Variants in FBXL7 observed in about 807,000 individuals in gnomAD.
FBXL7 encodes the protein F-box/LRR-repeat protein 7.
Under a neutral mutation model 38.3 loss-of-function variants are expected in FBXL7, and 12 were observed. That is an observed-to-expected ratio of 0.31 (90% CI 0.20 to 0.51). The LOEUF (loss-of-function observed/expected upper bound fraction) is 0.51. Among genes scored for constraint, FBXL7 ranks in the 20% least tolerant of loss-of-function variants. The pLI is 0.98. For synonymous variants in FBXL7, 297 were observed against 300.9 expected (o/e 0.99, Z 0.13); for missense variants, 567 against 676.4 (o/e 0.84, Z 1.79).
chr5:15,818,452 T>A (rs1489681154), intron 2 of FBXL7, among the ~76,000 whole-genome samples: 2 of 143,290 alleles, frequency 1.4e-5, no homozygotes, highest in East Asian at 4.2e-4. Flanking sequence ...GGTAGCCAAA[T>A]GAATCCTTTC....
intron 2 of FBXL7, among the ~76,000 whole-genome samples, chr5:15,662,771 G>A (rs1742131183): frequency 1.3e-5 from 2 of 152,010 alleles, no homozygotes; most frequent in African/African-American, 4.8e-5. Flanking sequence ...TTTCCCTATT[G>A]TTTGTTTTTG....
At chr5:15,792,193 G>A (rs1737294884) in intron 2 of FBXL7, among the ~76,000 whole-genome samples, 2 of 152,184 alleles carry the variant, frequency 1.3e-5, no homozygotes, top group East Asian at 1.9e-4. Flanking sequence ...CAAGCATTGT[G>A]TGTTAAAGCA....
At chr5:15,929,125 G>A (rs923858448) in intron 3 of FBXL7, among the ~76,000 whole-genome samples, 3 of 152,168 alleles carry the variant, frequency 2.0e-5, no homozygotes, top group African/African-American at 7.2e-5. Flanking sequence ...TTCGTACCAC[G>A]GGCCAGACGG....
chr5:15,552,798 T>A (rs1332624052), intron 1 of FBXL7, among the ~76,000 whole-genome samples: 2 of 152,090 alleles, frequency 1.3e-5, no homozygotes. Flanking sequence ...AAACAATCAA[T>A]CCTGGCCAGG....
intron 2 of FBXL7, among the ~76,000 whole-genome samples, chr5:15,845,336 C>G (rs1449228010): frequency 6.6e-6 from 1 of 152,108 alleles, no homozygotes; most frequent in African/African-American, 2.4e-5. Flanking sequence ...CAATAAGTTC[C>G]CATTGATGGG....
At chr5:15,826,619 A>G (rs909551896) in intron 2 of FBXL7, among the ~76,000 whole-genome samples, 44 of 152,028 alleles carry the variant, frequency 2.9e-4, no homozygotes, top group African/African-American at 1.1e-3. Flanking sequence ...GGGTTTCACC[A>G]TGTTGGCCAG....
At chr5:15,510,232 G>A (rs1394557545) in intron 1 of FBXL7, among the ~76,000 whole-genome samples, 1 of 152,198 alleles carries the variant, frequency 6.6e-6, no homozygotes, top group Admixed American at 6.5e-5. Flanking sequence ...TACCCTTTCT[G>A]TGGTAAATTC....
At position 15,601,405 on chromosome 5, in the gene FBXL7, A is replaced by G. The variant is rs983046098; in HGVS notation, c.38-14578A>G. ...GCCCGTGCAGCACTCTGATCTTCTC[A>G]TTACTCTCTTCAGAAACCCAGCTGT... On this transcript the variant is annotated intron_variant, in intron 1 of 3. Coordinates refer to ENST00000504595, the MANE Select transcript of FBXL7 (RefSeq NM_012304.5). Among the ~76,000 whole-genome samples, 4 of 152,112 alleles carry G rather than the reference A, an allele frequency of 2.6e-5. No individual in the cohort carries two copies. The East Asian group carries it at 7.7e-4, about 29-fold the overall frequency.
At chr5:15,764,637 T>TGGGACA (rs1736539848) in intron 2 of FBXL7, among the ~76,000 whole-genome samples, 1 of 152,358 alleles carries the variant, frequency 6.6e-6, no homozygotes, top group Non-Finnish European at 1.5e-5. Context: ...TCCCAGCTTT[T>TGGGACA]TCACTTATTA....
rs1330346621 is a variant in FBXL7, at chr5:15,616,003, T to C, written c.58T>C (p.Ser20Pro). The change falls in exon 2 of 4, where the codon TCA becomes CCA. Residue 20 changes from serine to proline, a missense_variant. Transcript: ENST00000504595. ...TCCAGGCAAAGGCAGCTCGAGCATC[T>C]CATCTGACGTGAGTTCAAGTACAGA... is the stretch of plus-strand genomic sequence containing the variant. ...GSEGKGSSSI[S>P]SDVSSSTDHT... 1 of 1,612,758 alleles carries C rather than the reference T, an allele frequency of 6.2e-7. No individual in the cohort carries two copies. Among genetic ancestry groups the C allele is most frequent in the Non-Finnish European group, 8.5e-7 (1 of 1,179,218 alleles).
At chr5:15,679,558 GTT>G (rs34375125) in intron 2 of FBXL7, among the ~76,000 whole-genome samples, 3,369 of 124,898 alleles carry the variant, frequency 0.027, 37 homozygotes, top group African/African-American at 0.049. Flanking sequence ...ATGCTTCATT[GTT>G]TTTTTTTTTT....
intron 2 of FBXL7, among the ~76,000 whole-genome samples, chr5:15,654,685 C>T (rs142948915): frequency 0.013 from 1,942 of 152,182 alleles, 13 homozygotes; most frequent in Non-Finnish European, 0.021. Flanking sequence ...GAAAAACAGG[C>T]GCCTAGTTTG....
At chr5:15,569,846 A>G (rs962355059) in intron 1 of FBXL7, among the ~76,000 whole-genome samples, 2 of 152,314 alleles carry the variant, frequency 1.3e-5, no homozygotes, top group African/African-American at 4.8e-5. Context: ...TATTGAGATA[A>G]TCGTATGGTT....
At chr5:15,927,764 T>TAAAAAAAAAAAAAAAAAAAAA (rs753935096) in intron 2 of FBXL7, 126 bp from the exon 3 acceptor site, 20 of 456,826 alleles carry the variant, frequency 4.4e-5, no homozygotes, top group African/African-American at 2.9e-4. Flanking sequence ...GACAAGATCT[T>TAAAAAAAAAAAAAAAAAAAAA]AAAAAAAAAA....
intron 2 of FBXL7, among the ~76,000 whole-genome samples, chr5:15,734,207 C>A (rs970215066): frequency 1.3e-5 from 2 of 152,218 alleles, no homozygotes; most frequent in African/African-American, 4.8e-5. Flanking sequence ...CACAGCTTTC[C>A]ACAGATCCTG....
chr5:15,905,466 C>T (rs1457617061), intron 2 of FBXL7, among the ~76,000 whole-genome samples: 1 of 151,916 alleles, frequency 6.6e-6, no homozygotes, highest in Admixed American at 6.6e-5. Context: ...CACCCTGAGG[C>T]TTCCATCTGG....
intron 2 of FBXL7, among the ~76,000 whole-genome samples, chr5:15,890,593 G>A (rs187648999): frequency 5.9e-5 from 9 of 152,250 alleles, no homozygotes; most frequent in East Asian, 3.9e-4. Flanking sequence ...CGCATGCAAC[G>A]GACCTAGGTT....
At chr5:15,719,038 C>G (rs1744122101) in intron 2 of FBXL7, among the ~76,000 whole-genome samples, 1 of 152,330 alleles carries the variant, frequency 6.6e-6, no homozygotes, top group African/African-American at 2.4e-5. Flanking sequence ...GGAACTGACT[C>G]AAACCAGTGT....
intron 2 of FBXL7, among the ~76,000 whole-genome samples, chr5:15,744,914 C>T (rs1209698013): frequency 5.3e-5 from 8 of 152,058 alleles, no homozygotes. Context: ...CATGAGGTCT[C>T]CTGAGAACTC....
Sources: gnomAD v4.1 joint callset for allele counts (sites outside exome capture counted in the v4.1 genomes callset) on GRCh38, gnomAD v4.1.1 for gene constraint, MANE v1.5 for transcripts, NCBI Gene and HGNC (gene_info 2026-07-23, HGNC 2026-07-21) for gene names.